The following POLR3B variants were observed in gnomAD, a reference collection of about 807,000 sequenced individuals.
POLR3B encodes RNA polymerase III subunit B.
In POLR3B, 96 loss-of-function variants were observed where a neutral mutation model predicts 147.4. That is an observed-to-expected ratio of 0.65 (90% CI 0.55 to 0.77). POLR3B has a LOEUF of 0.77. POLR3B is among the 30% of genes least tolerant of loss of function. POLR3B has a pLI of 0.00. For missense variants in POLR3B, 1,036 were observed against 1,413.5 expected (o/e 0.73, Z 4.28); for synonymous variants, 461 against 485.9 (o/e 0.95, Z 0.67).
At chr12:106,488,448 T>A (rs1338047081) in intron 23 of POLR3B, among the ~76,000 whole-genome samples, 1 of 152,238 alleles carries the variant, frequency 6.6e-6, no homozygotes, top group Non-Finnish European at 1.5e-5. Context: ...TTAGTTTTGT[T>A]TTAAATTCAT....
At chr12:106,437,536 A>G (rs1442737358) in intron 17 of POLR3B, 145 bp from the exon 18 acceptor site, 3 of 664,114 alleles carry the variant, frequency 4.5e-6, no homozygotes, top group East Asian at 5.5e-5. Context: ...TAAGAATAAC[A>G]TGTTTCAGGT....
chr12:106,378,467 C>A, intron 8 of POLR3B, 83 bp downstream of exon 8: 1 of 761,730 alleles, frequency 1.3e-6, no homozygotes, highest in East Asian at 2.5e-5. Context: ...ACAGAGGGAG[C>A]CAGTTATTAC....
At chr12:106,379,295 G>A (rs2036727185) in intron 8 of POLR3B, among the ~76,000 whole-genome samples, 1 of 152,192 alleles carries the variant, frequency 6.6e-6, no homozygotes, top group African/African-American at 2.4e-5. Context: ...TGGAGCCAAG[G>A]CAATTTGAAT....
At chr12:106,452,026 T>G (rs374360314) in intron 19 of POLR3B, among the ~76,000 whole-genome samples, 2 of 152,290 alleles carry the variant, frequency 1.3e-5, no homozygotes, top group East Asian at 3.9e-4. Flanking sequence ...TGTAACGCCC[T>G]TTTTAAGGAA....
At chr12:106,468,085 A>G (rs2038031974) in intron 23 of POLR3B, among the ~76,000 whole-genome samples, 1 of 151,996 alleles carries the variant, frequency 6.6e-6, no homozygotes, top group African/African-American at 2.4e-5. Flanking sequence ...CTGGTCCTGG[A>G]CTTTTTTTGG....
At chr12:106,405,697 A>G (rs2037142108) in intron 10 of POLR3B, among the ~76,000 whole-genome samples, 160 bp from the exon 11 acceptor site, 1 of 152,098 alleles carries the variant, frequency 6.6e-6, no homozygotes, top group African/African-American at 2.4e-5. Context: ...GCTTTTTGTC[A>G]TTGATTTATG....
At chr12:106,456,790 C>T (rs1203424189) in intron 20 of POLR3B, among the ~76,000 whole-genome samples, 1 of 152,120 alleles carries the variant, frequency 6.6e-6, no homozygotes, top group East Asian at 1.9e-4. Context: ...TTCTAAGGGC[C>T]TTTCCAATTC....
At chr12:106,362,500 C>T (rs1430263211) in intron 1 of POLR3B, among the ~76,000 whole-genome samples, 2 of 152,260 alleles carry the variant, frequency 1.3e-5, no homozygotes, top group Non-Finnish European at 1.5e-5. Flanking sequence ...TGCTCTGGGC[C>T]GTCCCCTACT....
chr12:106,422,270 C>T (rs1022374786), intron 12 of POLR3B, among the ~76,000 whole-genome samples: 10 of 152,190 alleles, frequency 6.6e-5, no homozygotes, highest in South Asian at 4.1e-4. Context: ...TATGTAGCAT[C>T]GTCCCCTTCT....
chr12:106,472,158 C>G (rs1339727021), intron 23 of POLR3B, among the ~76,000 whole-genome samples: 1 of 127,866 alleles, frequency 7.8e-6, no homozygotes, highest in Non-Finnish European at 1.6e-5. Context: ...TGATGGTTTC[C>G]AATTTCATCC....
intron 10 of POLR3B, among the ~76,000 whole-genome samples, chr12:106,398,532 C>T (rs1349330749): frequency 2.6e-5 from 4 of 152,250 alleles, no homozygotes; most frequent in Admixed American, 2.6e-4. Flanking sequence ...GGCAGACTGC[C>T]TCCTCAAGTG....
At chr12:106,393,221 G>T in intron 10 of POLR3B, 68 bp downstream of exon 10, 1 of 1,598,882 alleles carries the variant, frequency 6.3e-7, no homozygotes. Flanking sequence ...CATTGATAAA[G>T]CTCATCGGAT....
At chr12:106,360,134 T>TTCC (rs748569591) in intron 1 of POLR3B, among the ~76,000 whole-genome samples, 1 of 152,220 alleles carries the variant, frequency 6.6e-6, no homozygotes, top group Non-Finnish European at 1.5e-5. Flanking sequence ...CCTCTCTTAC[T>TTCC]TCCTAACTGG....
At chr12:106,361,523 A>G (rs2036469703) in intron 1 of POLR3B, among the ~76,000 whole-genome samples, 1 of 152,202 alleles carries the variant, frequency 6.6e-6, no homozygotes, top group African/African-American at 2.4e-5. Context: ...AGCTTACTGC[A>G]ACAGTGATAT....
At chr12:106,448,427 CTTTTTTTTTTTTTTTT>C (rs869133588) in intron 19 of POLR3B, among the ~76,000 whole-genome samples, 5 of 50,614 alleles carry the variant, frequency 9.9e-5, no homozygotes, top group South Asian at 1.5e-3. Context: ...TACGTTATTT[CTTTTTTTTTTTTTTTT>C]TTTTTTTTTT....
intron 10 of POLR3B, among the ~76,000 whole-genome samples, chr12:106,396,236 A>G (rs2036977144): frequency 6.6e-6 from 1 of 152,200 alleles, no homozygotes; most frequent in African/African-American, 2.4e-5. Flanking sequence ...TAGAAGGCCA[A>G]CATTTATTGA....
At chr12:106,408,553 A>G (rs1225498202) in intron 11 of POLR3B, among the ~76,000 whole-genome samples, 7 of 152,134 alleles carry the variant, frequency 4.6e-5, no homozygotes, top group East Asian at 1.9e-4. Context: ...AACCACTGCC[A>G]TAAGAGTGGT....
chr12:106,398,792 C>T (rs2037018309), intron 10 of POLR3B, among the ~76,000 whole-genome samples: 1 of 152,142 alleles, frequency 6.6e-6, no homozygotes, highest in Non-Finnish European at 1.5e-5. Flanking sequence ...AGAAGGAAAA[C>T]TAACAAACAG....
At chr12:106,467,271 A>G (rs543453066) in intron 23 of POLR3B, among the ~76,000 whole-genome samples, 1 of 152,208 alleles carries the variant, frequency 6.6e-6, no homozygotes, top group Non-Finnish European at 1.5e-5. Flanking sequence ...ATTGGTGTAT[A>G]GGAATGCTTG....
Sources: gnomAD v4.1 joint callset for allele counts (sites outside exome capture counted in the v4.1 genomes callset) on GRCh38, gnomAD v4.1.1 for gene constraint, MANE v1.5 for transcripts, NCBI Gene and HGNC (gene_info 2026-07-23, HGNC 2026-07-21) for gene names.